WDR33: variants seen among roughly 807,000 people sequenced by gnomAD.
WDR33 encodes WD repeat domain 33, also known as pre-mRNA 3' end processing protein WDR33.
WDR33 carries 47 observed loss-of-function variants against 164.9 expected under a neutral mutation model. The ratio of observed to expected loss-of-function variants is 0.29; its 90% CI spans 0.23 to 0.36. The LOEUF is 0.36. WDR33 is among the 10% of genes least tolerant of loss of function. The pLI is 1.00. For missense variants in WDR33, 1,137 were observed against 1,754.1 expected, an observed-to-expected ratio of 0.65 and a Z score of 6.28; for synonymous variants, 505 against 589.0, an observed-to-expected ratio of 0.86 and a Z score of 2.06.
chr2:127,784,468 T>C (rs1688491784), intron 1 of WDR33, among the ~76,000 whole-genome samples: 1 of 152,196 alleles, frequency 6.6e-6, no homozygotes, highest in South Asian at 2.1e-4. Context: ...CCCTGCAGCT[T>C]GACCATGTAG....
At chr2:127,730,332 GTGAC>G (rs1686671771) in intron 7 of WDR33, among the ~76,000 whole-genome samples, 1 of 152,104 alleles carries the variant, frequency 6.6e-6, no homozygotes, top group Non-Finnish European at 1.5e-5. Flanking sequence ...TCAGGAAGAA[GTGAC>G]TGAATTTTCA....
Position 127,701,552 on chromosome 2 carries a change from G to C in WDR33, c.*4771C>G, listed in dbSNP as rs538593079. The stretch of plus-strand genomic sequence containing the variant: ...AGATGGCGGACCTCCACCGCCAGCT[G>C]CAGGAGTACCTGGCGCAGGGGAAAG... On this transcript the variant is annotated 3_prime_UTR_variant, in exon 22 of 22. Transcript: ENST00000322313. The C allele has an allele frequency of 3.0e-4, 415 of 1,362,020 alleles. 4 individuals carry two copies. The African/African-American group carries it at 5.4e-3, about 18-fold the overall frequency. 84.4% of individuals were successfully genotyped at this position (1,362,020 alleles called of 1,614,324 possible). A position where few individuals can be genotyped will look rare whatever the true frequency, so the allele number is the denominator to read the frequency against.
rs1471851527 is a variant in WDR33, at chr2:127,735,784, G to C, written c.725-9007C>G. 2.0e-6 allele frequency: 2 copies of C among 985,430 alleles called. No homozygotes were observed. The highest frequency in any genetic ancestry group is 9.4e-5 in the South Asian group (2 of 21,286). The allele number at this position is 985,430 out of a possible 1,614,324, so 61.0% of individuals were successfully genotyped here. ...CATAAGTAATCTGTGCTCTGGTCAA[G>C]GAATATGCAATTTATTAGTATTTTA... On this transcript the variant is annotated intron_variant, in intron 7 of 21. Coordinates refer to ENST00000322313, the MANE Select transcript of WDR33 (RefSeq NM_018383.5). This position sits in a 1 kb window ranked among gnomAD's most constrained non-coding sequence, Gnocchi z 4.3.
chr2:127,805,790 A>T (rs1312850930), intron 1 of WDR33, among the ~76,000 whole-genome samples: 3 of 152,216 alleles, frequency 2.0e-5, no homozygotes, highest in African/African-American at 7.2e-5. Flanking sequence ...TCTGGCAGAA[A>T]GTAAGCTGTG....
At position 127,706,313 on chromosome 2, in the gene WDR33, G is replaced by A; in HGVS notation, c.*10C>T. 6.5e-7 allele frequency: 1 copy of A among 1,546,444 alleles called. No homozygotes were observed. The highest frequency in any genetic ancestry group is 8.7e-7 in the Non-Finnish European group (1 of 1,149,060). On this transcript the variant is annotated 3_prime_UTR_variant, in exon 22 of 22. Transcript: ENST00000322313. This position sits in a 1 kb window ranked among gnomAD's most constrained non-coding sequence, Gnocchi z 5.1. ...GTCCAGAGAGGCCTCAGGGTACTCA[G>A]TTCCAGCTTCTACCGACCCCTTCCA...
chr2:127,804,364 A>G (rs775601789), intron 1 of WDR33, among the ~76,000 whole-genome samples: 22 of 152,194 alleles, frequency 1.4e-4, no homozygotes, highest in Admixed American at 4.6e-4. Context: ...TGGATTAGAG[A>G]AAGAAAAATT....
chr2:127,707,637 T>C (rs962527500), intron 21 of WDR33, among the ~76,000 whole-genome samples: 12 of 152,184 alleles, frequency 7.9e-5, no homozygotes, highest in African/African-American at 2.7e-4. Flanking sequence ...GGGTGATCTA[T>C]TGATGATACA....
At position 127,718,036 on chromosome 2, in the gene WDR33, G is replaced by A. The variant is rs1686338524; in HGVS notation, c.2761-773C>T. ...TTCAAGTTTTAGGGCAATTTAGAAT[G>A]GCAATCCTATACTTAATTCATCCTA... On this transcript the variant is annotated intron_variant, in intron 16 of 21. Transcript: ENST00000322313. This position sits in a 1 kb window ranked among gnomAD's most constrained non-coding sequence, Gnocchi z 4.4. Among the ~76,000 whole-genome samples, 1 of 152,028 alleles carries A rather than the reference G, an allele frequency of 6.6e-6. No homozygotes were observed. The highest frequency in any genetic ancestry group is 2.1e-4 in the South Asian group (1 of 4,812).
chr2:127,794,849 AAAAGAAAG>A (rs534701344), intron 1 of WDR33, among the ~76,000 whole-genome samples: 2 of 142,684 alleles, frequency 1.4e-5, no homozygotes, highest in African/African-American at 2.7e-5. Context: ...AAAAAAAAAA[AAAAGAAAG>A]AAAGAAAGAA....
chr2:127,786,500 T>C lies in WDR33; in HGVS notation c.-23-15496A>G, dbSNP rs546293932. ...GAGTTCAAGACCAGCTCAGTCAACATGGCAAAACTTTGTCTCTACTAAAAA... is the reference window on the plus strand; with the variant it reads ...GAGTTCAAGACCAGCTCAGTCAACACGGCAAAACTTTGTCTCTACTAAAAA... On this transcript the variant is annotated intron_variant, in intron 1 of 21. Transcript: ENST00000322313. Among the ~76,000 whole-genome samples the C allele has an allele frequency of 7.2e-5, 11 of 152,284 alleles. No homozygotes were observed. In the South Asian group the frequency reaches 2.1e-3, roughly 29 times the overall value.
intron 7 of WDR33, among the ~76,000 whole-genome samples, chr2:127,727,940 T>C (rs1686610617): frequency 6.6e-6 from 1 of 152,180 alleles, no homozygotes; most frequent in Non-Finnish European, 1.5e-5. Context: ...TTGTACCCGT[T>C]CATAAGGGGA....
At position 127,713,296 on chromosome 2, in the gene WDR33, A is replaced by T. The variant is rs1300134482; in HGVS notation, c.3308+287T>A. On this transcript the variant is annotated intron_variant, in intron 18 of 21. Coordinates refer to ENST00000322313, the MANE Select transcript of WDR33 (RefSeq NM_018383.5). This position sits in a 1 kb window ranked among gnomAD's most constrained non-coding sequence, Gnocchi z 6.2. ...GAAGAACCTGGAAATTTTAAGTCAG[A>T]TCCCAGCAAGTCTTGTAGTACACTG... is the stretch of plus-strand genomic sequence containing the variant. Among the ~76,000 whole-genome samples, 3 of 152,204 alleles carry T rather than the reference A, an allele frequency of 2.0e-5. No individual in the cohort carries two copies. Among genetic ancestry groups the T allele is most frequent in the African/African-American group, 7.2e-5 (3 of 41,444 alleles).
chr2:127,762,638 A>G, intron 7 of WDR33: 1 of 989,148 alleles, frequency 1.0e-6, no homozygotes, highest in Non-Finnish European at 1.2e-6. Flanking sequence ...AAAAATAGTA[A>G]CACTAAGAAG....
chr2:127,743,422 A>G (rs2105405112), intron 7 of WDR33, among the ~76,000 whole-genome samples: 1 of 152,312 alleles, frequency 6.6e-6, no homozygotes, highest in East Asian at 1.9e-4. Context: ...ACTTTTCATT[A>G]ACTACCACAA....
Position 127,726,692 on chromosome 2 carries a change from G to T in WDR33, c.810C>A (p.Ile270=). Residue 270 remains isoleucine (I), a synonymous_variant, in exon 8 of 22, where the codon ATC becomes ATA. Coordinates refer to ENST00000322313, the MANE Select transcript of WDR33 (RefSeq NM_018383.5). The surrounding 1 kb of genome is among the most constrained non-coding windows in gnomAD (Gnocchi z 4.8). ...GCCCAGTCTTGGGATCCCAGAACTT[G>T]ATTGGCTGTTGACTATCTTTACTTC... The part of the protein sequence containing the change: ...VSGSKDSQQP[I]KFWDPKTGQS... 1 of 1,614,224 alleles carries T rather than the reference G, an allele frequency of 6.2e-7. No homozygotes were observed.
Position 127,775,868 on chromosome 2 carries a change from GA to G in WDR33, c.-23-4865del, listed in dbSNP as rs200797173. ...TAAAGGTCAAGAATGAAGAAAACGA[GA>G]AAAAAAAAAGTACAATTATATCTGA... On this transcript the variant is annotated intron_variant, in intron 1 of 21. Coordinates refer to ENST00000322313, the MANE Select transcript of WDR33 (RefSeq NM_018383.5). Among the ~76,000 whole-genome samples, 24 of 145,416 alleles carry G rather than the reference GA, an allele frequency of 1.7e-4. 1 individual carries two copies. The highest frequency in any genetic ancestry group is 7.9e-4 in the East Asian group (4 of 5,050).
intron 1 of WDR33, among the ~76,000 whole-genome samples, chr2:127,778,589 G>T (rs1688266941): frequency 6.6e-6 from 1 of 152,064 alleles, no homozygotes; most frequent in Non-Finnish European, 1.5e-5. Context: ...AAAGAACAAT[G>T]TGAGAAGTTA....
At chr2:127,728,736 T>C (rs1259273020) in intron 7 of WDR33, among the ~76,000 whole-genome samples, 1 of 152,206 alleles carries the variant, frequency 6.6e-6, no homozygotes, top group African/African-American at 2.4e-5. Context: ...ATATTATGTA[T>C]AGCTATGTAT....
At position 127,719,152 on chromosome 2, in the gene WDR33, T is replaced by C; in HGVS notation, c.2760+113A>G. The stretch of plus-strand genomic sequence containing the variant: ...TGCTAGTATCTTAAGCTACTGTCAC[T>C]ACTTGATAAGTATTTATATCCAGCT... On this transcript the variant is annotated intron_variant, in intron 16 of 21. Transcript: ENST00000322313. This position sits in a 1 kb window ranked among gnomAD's most constrained non-coding sequence, Gnocchi z 6.5. 8.0e-7 allele frequency: 1 copy of C among 1,253,478 alleles called. No homozygotes were observed. The highest frequency in any genetic ancestry group is 1.0e-6 in the Non-Finnish European group (1 of 979,444). The allele number at this position is 1,253,478 out of a possible 1,614,324, so 77.6% of individuals were successfully genotyped here.
Sources: allele counts gnomAD v4.1 joint callset (sites outside exome capture counted in the v4.1 genomes callset), GRCh38; gene constraint gnomAD v4.1.1; non-coding constraint Gnocchi (gnomAD v3.1); transcripts MANE v1.5; gene names NCBI Gene and HGNC (gene_info 2026-07-23, HGNC 2026-07-21).